SYNDIG1: variants seen among roughly 807,000 people sequenced by gnomAD.
SYNDIG1 encodes the protein synapse differentiation inducing 1.
SYNDIG1 carries 9 observed loss-of-function variants against 19.4 expected under a neutral mutation model. The ratio of observed to expected loss-of-function variants is 0.46; its 90% CI spans 0.28 to 0.81. The LOEUF is 0.81. Ranked by LOEUF, SYNDIG1 falls within the 30% of genes least tolerant of loss-of-function variation. SYNDIG1 has a pLI of 0.12. For synonymous variants in SYNDIG1, 141 were observed against 145.9 expected, an observed-to-expected ratio of 0.97 and a Z score of 0.24; for missense variants, 311 against 343.3, an observed-to-expected ratio of 0.91 and a Z score of 0.74.
chr20:24,584,171 G>A (rs1456362040), intron 2 of SYNDIG1, among the ~76,000 whole-genome samples: 5 of 152,208 alleles, frequency 3.3e-5, no homozygotes, highest in Admixed American at 2.0e-4. Flanking sequence ...CAGAGCAGAA[G>A]GGCACAGCTG....
chr20:24,527,349 C>T (rs892619323), intron 1 of SYNDIG1, among the ~76,000 whole-genome samples: 8 of 152,184 alleles, frequency 5.3e-5, no homozygotes, highest in Admixed American at 3.9e-4. Context: ...GAAATTCACA[C>T]GTTTCATTTT....
chr20:24,507,259 C>T (rs2056616122), intron 1 of SYNDIG1, among the ~76,000 whole-genome samples: 1 of 152,246 alleles, frequency 6.6e-6, no homozygotes, highest in South Asian at 2.1e-4. Context: ...CCCACAGGAG[C>T]GTGCTGCCTG....
At chr20:24,480,760 G>A (rs2055774778) in intron 1 of SYNDIG1, among the ~76,000 whole-genome samples, 1 of 152,216 alleles carries the variant, frequency 6.6e-6, no homozygotes, top group African/African-American at 2.4e-5. Flanking sequence ...TAAGCAAAAT[G>A]TGCTAAACAC....
At chr20:24,523,189 G>A (rs904862511) in intron 1 of SYNDIG1, among the ~76,000 whole-genome samples, 2 of 152,196 alleles carry the variant, frequency 1.3e-5, no homozygotes, top group Non-Finnish European at 2.9e-5. Context: ...GCTTATAGGC[G>A]AAAGACCTTA....
chr20:24,546,238 T>A (rs2057573805), intron 2 of SYNDIG1, among the ~76,000 whole-genome samples: 1 of 152,244 alleles, frequency 6.6e-6, no homozygotes, highest in Admixed American at 6.5e-5. Context: ...TGGTTAGAAG[T>A]GTCATTGAAC....
At chr20:24,564,283 G>A (rs1383476137) in intron 2 of SYNDIG1, among the ~76,000 whole-genome samples, 3 of 152,168 alleles carry the variant, frequency 2.0e-5, no homozygotes, top group African/African-American at 7.2e-5. Context: ...ATACAGTTCA[G>A]ATATGTATTA....
At chr20:24,639,749 C>G (rs959258312) in intron 3 of SYNDIG1, among the ~76,000 whole-genome samples, 1 of 152,162 alleles carries the variant, frequency 6.6e-6, no homozygotes, top group Non-Finnish European at 1.5e-5. Flanking sequence ...TAGCCTGATT[C>G]TTTCCAGTCC....
At chr20:24,507,442 T>C (rs1435778698) in intron 1 of SYNDIG1, among the ~76,000 whole-genome samples, 3 of 152,192 alleles carry the variant, frequency 2.0e-5, no homozygotes, top group Non-Finnish European at 4.4e-5. Flanking sequence ...GAACCAGGGC[T>C]TTTCCGGAAG....
intron 3 of SYNDIG1, among the ~76,000 whole-genome samples, chr20:24,630,410 A>G (rs532633903): frequency 8.5e-5 from 13 of 152,136 alleles, no homozygotes; most frequent in Non-Finnish European, 1.6e-4. Flanking sequence ...CCTCCTTCCC[A>G]CCTAGATATT....
intron 2 of SYNDIG1, among the ~76,000 whole-genome samples, chr20:24,572,529 G>T (rs886427035): frequency 6.6e-5 from 10 of 152,218 alleles, no homozygotes; most frequent in African/African-American, 2.4e-4. Context: ...GGAGCGACTG[G>T]TCAGGTGGGA....
At chr20:24,544,262 G>A (rs2057530319) in intron 2 of SYNDIG1, among the ~76,000 whole-genome samples, 1 of 152,218 alleles carries the variant, frequency 6.6e-6, no homozygotes, top group South Asian at 2.1e-4. Context: ...CAGCACCGGT[G>A]AGAGGGTGAG....
intron 1 of SYNDIG1, among the ~76,000 whole-genome samples, chr20:24,534,457 C>T (rs1161494766): frequency 6.6e-6 from 1 of 152,174 alleles, no homozygotes; most frequent in East Asian, 1.9e-4. Flanking sequence ...TGCACAGGTC[C>T]CTCTGCTGGC....
chr20:24,585,053 GC>G, intron 3 of SYNDIG1, 60 bp downstream of exon 3: 4 of 647,988 alleles, frequency 6.2e-6, no homozygotes, highest in Non-Finnish European at 1.1e-5. Flanking sequence ...GGGGGTGGGG[GC>G]GGCAATCCCA....
At chr20:24,615,033 T>C (rs1363315868) in intron 3 of SYNDIG1, among the ~76,000 whole-genome samples, 1 of 152,242 alleles carries the variant, frequency 6.6e-6, no homozygotes, top group Non-Finnish European at 1.5e-5. Context: ...TGGCCTACTT[T>C]AATAAGTGAA....
chr20:24,572,764 T>A (rs1477627041), intron 2 of SYNDIG1, among the ~76,000 whole-genome samples: 1 of 152,224 alleles, frequency 6.6e-6, no homozygotes, highest in Non-Finnish European at 1.5e-5. Flanking sequence ...GTATACTGTA[T>A]CTTTCCATTC....
chr20:24,470,148 C>G (rs1568748394), intron 1 of SYNDIG1, among the ~76,000 whole-genome samples: 1 of 152,186 alleles, frequency 6.6e-6, no homozygotes, highest in Non-Finnish European at 1.5e-5. Flanking sequence ...GGCTGCCCAG[C>G]AGGGCCATGA....
intron 1 of SYNDIG1, among the ~76,000 whole-genome samples, chr20:24,492,531 C>T (rs959398138): frequency 6.6e-6 from 1 of 152,220 alleles, no homozygotes; most frequent in African/African-American, 2.4e-5. Context: ...TCTTCAGAGG[C>T]TGGCTTGAGC....
chr20:24,612,174 A>G (rs1284690641), intron 3 of SYNDIG1, among the ~76,000 whole-genome samples: 2 of 152,220 alleles, frequency 1.3e-5, no homozygotes, highest in Admixed American at 1.3e-4. Flanking sequence ...CAAATTCTTC[A>G]TTAATTCTCA....
chr20:24,504,524 C>T (rs2056539333), intron 1 of SYNDIG1, among the ~76,000 whole-genome samples: 1 of 152,066 alleles, frequency 6.6e-6, no homozygotes, highest in South Asian at 2.1e-4. Flanking sequence ...CTCACCCTGG[C>T]TCTAGGTCTC....
Sources: allele counts gnomAD v4.1 joint callset (sites outside exome capture counted in the v4.1 genomes callset), GRCh38; gene constraint gnomAD v4.1.1; transcripts MANE v1.5; gene names NCBI Gene and HGNC (gene_info 2026-07-23, HGNC 2026-07-21).